Variants in RELN observed in about 807,000 individuals in gnomAD.
RELN encodes reelin.
In RELN, 108 loss-of-function variants were observed where a neutral mutation model predicts 427.6. The observed-to-expected ratio is 0.25, with a 90% confidence interval of 0.22 to 0.30. The LOEUF (loss-of-function observed/expected upper bound fraction) is 0.30. RELN is among the 10% of genes least tolerant of loss of function. The pLI is 1.00. For missense variants in RELN, 3,715 were observed against 4,302.8 expected, an observed-to-expected ratio of 0.86 and a Z score of 3.82; for synonymous variants, 1,524 against 1,513.4, an observed-to-expected ratio of 1.01 and a Z score of -0.16.
intron 1 of RELN, among the ~76,000 whole-genome samples, chr7:103,926,626 A>AGTT: frequency 8.3e-6 from 1 of 120,466 alleles, no homozygotes; most frequent in Non-Finnish European, 1.7e-5. Flanking sequence ...AAGTATCATA[A>AGTT]GTTTTTTTTT....
Position 103,863,795 on chromosome 7 carries a change from CAT to C in RELN, c.338-30125_338-30124del, listed in dbSNP as rs770034306. On this transcript the variant is annotated intron_variant, in intron 2 of 64. Transcript: ENST00000428762. ...CGATGGAATAACATCTTAAATTTCA[CAT>C]GAGATAAATCCTTTGCAATCAATTT... Among the ~76,000 whole-genome samples the C allele has an allele frequency of 5.3e-4, 81 of 151,820 alleles. 1 individual carries two copies. Among genetic ancestry groups the C allele is most frequent in the Admixed American group, 3.9e-4 (6 of 15,210 alleles).
At chr7:103,797,811 C>T (rs1584248039) in intron 3 of RELN, among the ~76,000 whole-genome samples, 2 of 152,112 alleles carry the variant, frequency 1.3e-5, no homozygotes, top group East Asian at 1.9e-4. Flanking sequence ...GAAAGAAATG[C>T]TGCCAAGAAA....
chr7:103,507,549 T>C (rs1455666458), intron 51 of RELN, among the ~76,000 whole-genome samples: 1 of 152,082 alleles, frequency 6.6e-6, no homozygotes, highest in African/African-American at 2.4e-5. Flanking sequence ...AGAGGGAAAT[T>C]TATAGCACTA....
Position 103,519,328 on chromosome 7 carries a change from C to G in RELN, c.7857G>C (p.Lys2619Asn). 6.2e-7 allele frequency: 1 copy of G among 1,612,638 alleles called. No homozygotes were observed. The highest frequency in any genetic ancestry group is 8.5e-7 in the Non-Finnish European group (1 of 1,178,678). ...ATATCAAATCGAATACAAACCCGGGCTTACTGTACTGGTCATAGAAAATCT... is the reference window on the plus strand; with the variant it reads ...ATATCAAATCGAATACAAACCCGGGGTTACTGTACTGGTCATAGAAAATCT... ...LMEIFYDQYS[K>N]PGFVNILLPP... Residue 2619 changes from lysine (K) to asparagine (N), a missense_variant, in exon 49 of 65, where the codon AAG becomes AAC. By Grantham distance (94) the Lys-to-Asn change is moderately conservative. Coordinates refer to ENST00000428762, the MANE Select transcript of RELN (RefSeq NM_005045.4).
At chr7:103,690,897 A>C (rs965370546) in intron 10 of RELN, among the ~76,000 whole-genome samples, 31 of 152,134 alleles carry the variant, frequency 2.0e-4, no homozygotes, top group African/African-American at 7.2e-4. Context: ...CCACATGGGA[A>C]GTTCTCTGTA....
intron 11 of RELN, among the ~76,000 whole-genome samples, chr7:103,675,139 C>A (rs1833487651): frequency 2.6e-5 from 4 of 152,130 alleles, no homozygotes; most frequent in Admixed American, 2.0e-4. Flanking sequence ...TAGAAAACCC[C>A]ACTGTCTCAG....
chr7:103,797,569 T>C (rs1792339894), intron 3 of RELN, among the ~76,000 whole-genome samples: 1 of 152,228 alleles, frequency 6.6e-6, no homozygotes, highest in South Asian at 2.1e-4. Context: ...TTTACTAGTT[T>C]TTTTATTTTT....
chr7:103,751,810 T>C (rs1226340817), intron 5 of RELN, among the ~76,000 whole-genome samples: 1 of 152,188 alleles, frequency 6.6e-6, no homozygotes, highest in Admixed American at 6.5e-5. Context: ...AAAAATAAAT[T>C]AATTGGGTTT....
intron 10 of RELN, among the ~76,000 whole-genome samples, chr7:103,689,286 G>A (rs1427149511): frequency 7.1e-6 from 1 of 141,318 alleles, no homozygotes; most frequent in Non-Finnish European, 1.5e-5. Flanking sequence ...TGCAGGCACA[G>A]CAATCAGAGT....
intron 5 of RELN, among the ~76,000 whole-genome samples, chr7:103,752,867 G>A (rs982282940): frequency 6.6e-6 from 1 of 152,060 alleles, no homozygotes; most frequent in African/African-American, 2.4e-5. Flanking sequence ...TTTATGATGG[G>A]CATCTAGTAT....
chr7:103,906,417 T>C (rs1795205245), intron 2 of RELN, among the ~76,000 whole-genome samples: 1 of 152,182 alleles, frequency 6.6e-6, no homozygotes, highest in Admixed American at 6.5e-5. Context: ...AGATAGCAAG[T>C]GCTTGATAAT....
intron 45 of RELN, among the ~76,000 whole-genome samples, chr7:103,538,869 C>T (rs761589209): frequency 5.9e-5 from 9 of 152,186 alleles, no homozygotes; most frequent in Non-Finnish European, 1.2e-4. Flanking sequence ...AAAAAATAAG[C>T]TCACATTCTA....
intron 1 of RELN, among the ~76,000 whole-genome samples, chr7:103,949,152 TA>T (rs1421259251): frequency 6.6e-6 from 1 of 152,008 alleles, no homozygotes; most frequent in South Asian, 2.1e-4. Flanking sequence ...TTAGTTAGTT[TA>T]AAAAGTTTTA....
intron 29 of RELN, among the ~76,000 whole-genome samples, chr7:103,575,120 C>T (rs1584309601): frequency 6.6e-6 from 1 of 152,188 alleles, no homozygotes; most frequent in East Asian, 1.9e-4. Flanking sequence ...ATACTCAGCT[C>T]CAGCAACTCC....
chr7:103,856,820 T>G (rs1258369044), intron 2 of RELN, among the ~76,000 whole-genome samples: 3 of 152,142 alleles, frequency 2.0e-5, no homozygotes, highest in African/African-American at 7.2e-5. Flanking sequence ...GCAAATTTTT[T>G]TATCATGCAT....
chr7:103,653,474 C>A lies in RELN; in HGVS notation c.1554+619G>T, dbSNP rs79975200. ...AAGCTTTTAAAAGTACTTAGGGTACCATCAGTGCAAAGAAAAGACTAACTA... is the reference window on the plus strand; with the variant it reads ...AAGCTTTTAAAAGTACTTAGGGTACAATCAGTGCAAAGAAAAGACTAACTA... On this transcript the variant is annotated intron_variant, in intron 13 of 64. Transcript: ENST00000428762. 4.9e-4 allele frequency among the ~76,000 whole-genome samples: 75 copies of A among 152,086 alleles called. No homozygotes were observed. The East Asian group carries it at 0.015, about 29-fold the overall frequency.
chr7:103,695,545 A>G (rs1170687526), intron 10 of RELN, among the ~76,000 whole-genome samples: 1 of 152,146 alleles, frequency 6.6e-6, no homozygotes, highest in Non-Finnish European at 1.5e-5. Flanking sequence ...ACCACACCTC[A>G]TGCATTTTTA....
At chr7:103,759,637 C>G (rs1392688073) in intron 4 of RELN, among the ~76,000 whole-genome samples, 1 of 152,028 alleles carries the variant, frequency 6.6e-6, no homozygotes, top group Non-Finnish European at 1.5e-5. Context: ...TATTTTCACT[C>G]AGTGTGAATT....
At chr7:103,543,062 G>A (rs1182284150) in intron 42 of RELN, among the ~76,000 whole-genome samples, 184 bp from the exon 43 acceptor site, 1 of 152,210 alleles carries the variant, frequency 6.6e-6, no homozygotes, top group Non-Finnish European at 1.5e-5. Flanking sequence ...TTTAGCCTTG[G>A]CTGGAATAAT....
Sources: allele counts gnomAD v4.1 joint callset (sites outside exome capture counted in the v4.1 genomes callset), GRCh38; gene constraint gnomAD v4.1.1; transcripts MANE v1.5; gene names NCBI Gene and HGNC (gene_info 2026-07-23, HGNC 2026-07-21).